ARHGEF10: variants seen among roughly 807,000 people sequenced by gnomAD.
ARHGEF10 encodes the protein Rho guanine nucleotide exchange factor 10.
Under a neutral mutation model 147.4 loss-of-function variants are expected in ARHGEF10, and 140 were observed. The observed-to-expected ratio is 0.95, with a 90% CI of 0.83 to 1.09. The LOEUF is 1.09. ARHGEF10 is among the 50% of genes least tolerant of loss of function. The pLI is 0.00. For missense variants in ARHGEF10, 2,222 were observed against 1,752.7 expected, an observed-to-expected ratio of 1.27 and a Z score of -4.78; for synonymous variants, 902 against 695.8, an observed-to-expected ratio of 1.30 and a Z score of -4.67.
chr8:1,823,354 G>T (rs184642538), upstream of ARHGEF10, among the ~76,000 whole-genome samples: 3 of 151,920 alleles, frequency 2.0e-5, no homozygotes, highest in Non-Finnish European at 2.9e-5. Context: ...AGCTGCGGAC[G>T]GAGGGACGGG....
chr8:1,833,663 C>T (rs561696843), intron 1 of ARHGEF10, among the ~76,000 whole-genome samples: 63 of 152,346 alleles, frequency 4.1e-4, no homozygotes, highest in Non-Finnish European at 8.1e-4. Context: ...TGCCAGGCCC[C>T]GGGCAGTCCC....
intron 27 of ARHGEF10, among the ~76,000 whole-genome samples, chr8:1,951,106 C>T (rs1211408933): frequency 1.3e-5 from 2 of 152,198 alleles, no homozygotes; most frequent in East Asian, 3.9e-4. Context: ...CTCATATGCA[C>T]ACCGGTTTTC....
chr8:1,862,571 A>C (rs1806220569), intron 4 of ARHGEF10, among the ~76,000 whole-genome samples: 1 of 152,064 alleles, frequency 6.6e-6, no homozygotes, highest in African/African-American at 2.4e-5. Flanking sequence ...AGGAAAGAAG[A>C]GTTTCCTGGG....
At position 1,833,339 on chromosome 8, in the gene ARHGEF10, CAGAGACAGAGGCAGAG is replaced by C. The variant is rs1454309023; in HGVS notation, c.-48+9244_-48+9259del. 3.1e-3 allele frequency among the ~76,000 whole-genome samples: 315 copies of C among 101,432 alleles called. 3 individuals are homozygous for C. Among genetic ancestry groups the C allele is most frequent in the African/African-American group, 0.011 (273 of 24,784 alleles). The allele number at this position is 101,432 out of a possible 152,430, so 66.5% of individuals were successfully genotyped here. ...AAGCAGAGGGAGACAGAGACAGAGG[CAGAGACAGAGGCAGAG>C]AGAGACAGAGGCAGAGACAGAGGCA... is the stretch of plus-strand genomic sequence containing the variant. On this transcript the variant is annotated intron_variant, in intron 1 of 28. Coordinates refer to ENST00000349830, the MANE Select transcript of ARHGEF10 (RefSeq NM_014629.4).
chr8:1,842,203 G>A (rs1804149456), intron 1 of ARHGEF10, among the ~76,000 whole-genome samples: 1 of 151,888 alleles, frequency 6.6e-6, no homozygotes, highest in African/African-American at 2.4e-5. Flanking sequence ...GGGAATACAG[G>A]AAGGCAGAAG....
chr8:1,910,561 C>T (rs1479937521), intron 18 of ARHGEF10, among the ~76,000 whole-genome samples: 1 of 152,164 alleles, frequency 6.6e-6, no homozygotes, highest in East Asian at 1.9e-4. Flanking sequence ...GTACCAAAAC[C>T]CAGATTTCCC....
intron 1 of ARHGEF10, among the ~76,000 whole-genome samples, chr8:1,824,499 A>T (rs1484331775): frequency 6.6e-6 from 1 of 151,856 alleles, no homozygotes; most frequent in Non-Finnish European, 1.5e-5. Flanking sequence ...CCGCCTCAGG[A>T]TGCAGAGAAG....
At chr8:1,834,714 C>T (rs1051442547) in intron 1 of ARHGEF10, among the ~76,000 whole-genome samples, 3 of 152,244 alleles carry the variant, frequency 2.0e-5, no homozygotes, top group Non-Finnish European at 4.4e-5. Flanking sequence ...CATGACATTC[C>T]AGAAGGACTC....
intron 9 of ARHGEF10, among the ~76,000 whole-genome samples, chr8:1,880,882 G>T (rs534884198): frequency 3.9e-5 from 6 of 152,314 alleles, no homozygotes; most frequent in Non-Finnish European, 4.4e-5. Flanking sequence ...CGGCTCATCC[G>T]CCCTGTTGTG....
At chr8:1,852,074 A>G (rs1195377631) in intron 2 of ARHGEF10, among the ~76,000 whole-genome samples, 1 of 152,120 alleles carries the variant, frequency 6.6e-6, no homozygotes, top group East Asian at 1.9e-4. Flanking sequence ...TGCGAGGTCC[A>G]CTAGGCTCAG....
intron 1 of ARHGEF10, among the ~76,000 whole-genome samples, chr8:1,833,388 C>T (rs111381047): frequency 8.2e-6 from 1 of 122,624 alleles, no homozygotes; most frequent in South Asian, 2.7e-4. Flanking sequence ...GCAGGTGCAG[C>T]GACAGGGGCA....
intron 26 of ARHGEF10, among the ~76,000 whole-genome samples, chr8:1,941,476 A>G (rs1814084799): frequency 1.3e-5 from 2 of 152,246 alleles, no homozygotes; most frequent in African/African-American, 4.8e-5. Flanking sequence ...ATAAATGGGA[A>G]GGCATCCTAT....
intron 2 of ARHGEF10, among the ~76,000 whole-genome samples, chr8:1,846,551 A>G (rs1804576647): frequency 2.0e-5 from 3 of 152,016 alleles, no homozygotes; most frequent in African/African-American, 7.3e-5. Flanking sequence ...TTTCTTTTCT[A>G]CATAATTGTA....
intron 2 of ARHGEF10, among the ~76,000 whole-genome samples, chr8:1,847,275 T>G (rs1380673873): frequency 6.6e-6 from 1 of 152,138 alleles, no homozygotes; most frequent in Non-Finnish European, 1.5e-5. Context: ...AGAACCCCTC[T>G]CATAAGTTTG....
intron 26 of ARHGEF10, among the ~76,000 whole-genome samples, chr8:1,934,719 G>C (rs1813434470): frequency 6.6e-6 from 1 of 152,162 alleles, no homozygotes; most frequent in South Asian, 2.1e-4. Context: ...TCACCATGAA[G>C]ACGAAACTAT....
At chr8:1,925,064 A>T (rs1019640371) in intron 21 of ARHGEF10, among the ~76,000 whole-genome samples, 1 of 152,200 alleles carries the variant, frequency 6.6e-6, no homozygotes, top group Non-Finnish European at 1.5e-5. Context: ...GGTCCCTGCC[A>T]CTTAGATGGG....
At position 1,869,231 on chromosome 8, in the gene ARHGEF10, A is replaced by T. The variant is rs1806880806; in HGVS notation, c.660A>T (p.Glu220Asp). Residue 220 changes from glutamate (E) to aspartate (D), a missense_variant, in exon 7 of 29, where the codon GAA becomes GAT. Glu to Asp is a conservative substitution (Grantham distance 45). Coordinates refer to ENST00000349830, the MANE Select transcript of ARHGEF10 (RefSeq NM_014629.4). ...CAATTTACGATGACGTTCCAAGGGA[A>T]AACTCAGACTCTGAACCAGGTTTGA... ...EEAIYDDVPR[E>D]NSDSEPDEMI... 1 of 1,614,072 alleles carries T rather than the reference A, an allele frequency of 6.2e-7. No homozygotes were observed. The highest frequency in any genetic ancestry group is 8.5e-7 in the Non-Finnish European group (1 of 1,179,910).
chr8:1,944,454 G>A (rs1814393448), intron 26 of ARHGEF10, among the ~76,000 whole-genome samples: 1 of 152,234 alleles, frequency 6.6e-6, no homozygotes, highest in Non-Finnish European at 1.5e-5. Flanking sequence ...ATTCCTGCCC[G>A]CCGGGTTCAC....
chr8:1,826,850 A>T (rs898114516), intron 1 of ARHGEF10, among the ~76,000 whole-genome samples: 2 of 152,202 alleles, frequency 1.3e-5, no homozygotes, highest in Non-Finnish European at 2.9e-5. Flanking sequence ...CCTGGGTAGA[A>T]AGGTAAGTGG....
Sources: gnomAD v4.1 joint callset for allele counts (sites outside exome capture counted in the v4.1 genomes callset) on GRCh38, gnomAD v4.1.1 for gene constraint, MANE v1.5 for transcripts, NCBI Gene and HGNC (gene_info 2026-07-23, HGNC 2026-07-21) for gene names.